Variants in OSMR observed in about 807,000 individuals in gnomAD.
OSMR encodes the protein oncostatin M receptor.
In OSMR, 81 loss-of-function variants were observed where a neutral mutation model predicts 99.9. The observed-to-expected ratio is 0.81, with a 90% confidence interval of 0.68 to 0.97. The LOEUF (loss-of-function observed/expected upper bound fraction) is 0.97. Ranked by LOEUF, OSMR falls within the 50% of genes least tolerant of loss-of-function variation. OSMR has a pLI of 0.00. For missense variants in OSMR, 1,099 were observed against 1,153.4 expected, an observed-to-expected ratio of 0.95 and a Z score of 0.68; for synonymous variants, 406 against 410.4, an observed-to-expected ratio of 0.99 and a Z score of 0.13.
intron 7 of OSMR, chr5:38,886,433 T>C (rs1743777481): frequency 1.9e-6 from 2 of 1,052,558 alleles, no homozygotes; most frequent in Middle Eastern, 3.4e-4. Flanking sequence ...ACTAGGACTC[T>C]AACAATAACT....
chr5:38,852,718 A>ATTTTTT (rs61559728), intron 1 of OSMR, among the ~76,000 whole-genome samples: 6,580 of 70,246 alleles, frequency 0.094, 1,706 homozygotes, highest in Non-Finnish European at 0.13. Flanking sequence ...TATTGTTTTC[A>ATTTTTT]TTTTTTTTTT....
At chr5:38,914,500 C>G (rs773111394) in intron 9 of OSMR, among the ~76,000 whole-genome samples, 6 of 152,208 alleles carry the variant, frequency 3.9e-5, no homozygotes, top group Non-Finnish European at 5.9e-5. Context: ...CCAGCAATCC[C>G]ATTACTGGGT....
Position 38,861,938 on chromosome 5 carries a change from C to T in OSMR, c.-13-7094C>T, listed in dbSNP as rs577615184. Among the ~76,000 whole-genome samples the T allele has an allele frequency of 5.4e-3, 671 of 123,502 alleles. 23 individuals are homozygous for T. The highest frequency in any genetic ancestry group is 0.02 in the African/African-American group (642 of 32,332). 81.0% of individuals were successfully genotyped at this position (123,502 alleles called of 152,430 possible). ...GGGCGGGGGGCTGACCCCCCCACCTCCCACCCGGACGGGGTGGCTGGCCGG... is the reference window on the plus strand; with the variant it reads ...GGGCGGGGGGCTGACCCCCCCACCTTCCACCCGGACGGGGTGGCTGGCCGG... On this transcript the variant is annotated intron_variant, in intron 1 of 17. Coordinates refer to ENST00000274276, the MANE Select transcript of OSMR (RefSeq NM_003999.3).
At chr5:38,895,867 A>T (rs1744473393) in intron 7 of OSMR, among the ~76,000 whole-genome samples, 3 of 152,070 alleles carry the variant, frequency 2.0e-5, no homozygotes, top group Middle Eastern at 6.8e-3. Context: ...TTTTCTGCTT[A>T]TGGATATCCA....
intron 7 of OSMR, chr5:38,903,681 C>T: frequency 1.6e-6 from 1 of 642,986 alleles, no homozygotes; most frequent in African/African-American, 2.0e-5. Context: ...GTATTTTGTT[C>T]AATGCATGCA....
intron 8 of OSMR, 37 bp downstream of exon 8, chr5:38,904,061 C>CT (rs3214764): frequency 2.7e-5 from 44 of 1,610,680 alleles, no homozygotes; most frequent in Non-Finnish European, 3.6e-5. Flanking sequence ...TTCAAAAATT[C>CT]TTTTTTTGTC....
chr5:38,907,566 G>T (rs546210414), intron 9 of OSMR, among the ~76,000 whole-genome samples: 1 of 152,184 alleles, frequency 6.6e-6, no homozygotes, highest in Non-Finnish European at 1.5e-5. Flanking sequence ...CAATCTGAGT[G>T]ATCCCCTGTC....
intron 14 of OSMR, 191 bp from the exon 15 acceptor site, chr5:38,925,013 G>A (rs1172107787): frequency 1.1e-6 from 1 of 920,622 alleles, no homozygotes; most frequent in African/African-American, 1.8e-5. Flanking sequence ...TGCTTTTTGT[G>A]CCATCTCCTG....
chr5:38,852,602 A>G lies in OSMR; in HGVS notation c.-14+6215A>G, dbSNP rs537418770. On this transcript the variant is annotated intron_variant, in intron 1 of 17. Coordinates refer to ENST00000274276, the MANE Select transcript of OSMR (RefSeq NM_003999.3). ...GTGATATTTGTATTTCCCTCTTTTC[A>G]TGAATTATGTATTCATGTTTTTCTA... Among the ~76,000 whole-genome samples the G allele has an allele frequency of 1.5e-4, 22 of 151,288 alleles. 1 individual carries two copies. The highest frequency in any genetic ancestry group is 3.9e-4 in the African/African-American group (16 of 41,114).
Position 38,923,169 on chromosome 5 carries a change from T to C in OSMR, c.1785T>C (p.Val595=), listed in dbSNP as rs1579800027. The change falls in exon 13 of 18, where the codon GTT becomes GTC. Residue 595 remains valine, a synonymous_variant. Coordinates refer to ENST00000274276, the MANE Select transcript of OSMR (RefSeq NM_003999.3). ...VISTDAFRPG[V]RYDFRIYGLS... is the part of the protein sequence containing the mutation. ...CCCTAGATGCTTTTAGGCCAGGAGT[T>C]CGATATGACTTCAGAATTTATGGGT... is the stretch of plus-strand genomic sequence containing the variant. 1 of 1,613,396 alleles carries C rather than the reference T, an allele frequency of 6.2e-7. No homozygotes were observed. Among genetic ancestry groups the C allele is most frequent in the Non-Finnish European group, 8.5e-7 (1 of 1,179,312 alleles).
chr5:38,896,304 A>T, intron 7 of OSMR, among the ~76,000 whole-genome samples: 1 of 151,658 alleles, frequency 6.6e-6, no homozygotes, highest in African/African-American at 2.4e-5. Context: ...TCCTTTTTTG[A>T]GTCTTCTTCA....
chr5:38,921,595 C>G lies in OSMR; in HGVS notation c.1586-20C>G, dbSNP rs760279882. 6.2e-7 allele frequency: 1 copy of G among 1,613,724 alleles called. No homozygotes were observed. Among genetic ancestry groups the G allele is most frequent in the South Asian group, 1.1e-5 (1 of 91,074 alleles). Reference sequence around the variant, plus strand: ...ACAGTTAATTAAATCTGGAGCATTGCTCTATTTGTTTATATACAGAAGAGG... The same window carrying G: ...ACAGTTAATTAAATCTGGAGCATTGGTCTATTTGTTTATATACAGAAGAGG... On this transcript the variant is annotated intron_variant, in intron 11 of 17. Transcript: ENST00000274276.
At chr5:38,906,456 T>C (rs1178675056) in intron 9 of OSMR, among the ~76,000 whole-genome samples, 3 of 152,220 alleles carry the variant, frequency 2.0e-5, no homozygotes, top group Non-Finnish European at 4.4e-5. Context: ...TTGAGTTAAA[T>C]GAATTGATGG....
intron 1 of OSMR, chr5:38,942,792 A>T (rs1747735235): frequency 6.8e-7 from 1 of 1,463,584 alleles, no homozygotes. Context: ...ACACAGAATT[A>T]TTCTTGGAAG....
chr5:38,943,571 T>C (rs1471590456), intron 1 of OSMR, among the ~76,000 whole-genome samples: 1 of 152,086 alleles, frequency 6.6e-6, no homozygotes, highest in Admixed American at 6.6e-5. Context: ...CCCAGCACTT[T>C]GGGAGGCTGA....
At chr5:38,881,194 CTTT>C (rs367864552) in intron 3 of OSMR, among the ~76,000 whole-genome samples, 10,073 of 148,236 alleles carry the variant, frequency 0.068, 431 homozygotes, top group Admixed American at 0.13. Context: ...AACAAACAAT[CTTT>C]TTTTTTTTTT....
chr5:38,937,014 T>G (rs1747079101), downstream of OSMR, among the ~76,000 whole-genome samples: 1 of 152,232 alleles, frequency 6.6e-6, no homozygotes, highest in Non-Finnish European at 1.5e-5. This position sits in a 1 kb window ranked among gnomAD's most constrained non-coding sequence, Gnocchi z 4.0. Context: ...GATGAATTTG[T>G]AAGTATGCTT....
intron 7 of OSMR, among the ~76,000 whole-genome samples, chr5:38,903,395 C>T (rs1047236499): frequency 2.0e-4 from 31 of 152,342 alleles, no homozygotes; most frequent in African/African-American, 6.0e-4. Context: ...ACACATGACT[C>T]GCTGCACTAA....
At chr5:38,889,177 A>G (rs1217736825) in intron 7 of OSMR, among the ~76,000 whole-genome samples, 1 of 152,056 alleles carries the variant, frequency 6.6e-6, no homozygotes, top group African/African-American at 2.4e-5. Flanking sequence ...AATATGGTAC[A>G]TTCTTTCAAT....
Sources: gnomAD v4.1 joint callset for allele counts (sites outside exome capture counted in the v4.1 genomes callset) on GRCh38, gnomAD v4.1.1 for gene constraint, Gnocchi (gnomAD v3.1) non-coding constraint, MANE v1.5 for transcripts, NCBI Gene and HGNC (gene_info 2026-07-23, HGNC 2026-07-21) for gene names.